Variants in RNF17 observed in about 807,000 individuals in gnomAD.
RNF17 encodes ring finger protein 17.
Under a neutral mutation model 200.5 loss-of-function variants are expected in RNF17, and 31 were observed. That is an observed-to-expected ratio of 0.15 (90% CI 0.12 to 0.21). The LOEUF (loss-of-function observed/expected upper bound fraction) is 0.21. Ranked by LOEUF, RNF17 falls within the 10% of genes least tolerant of loss-of-function variation. The probability of loss-of-function intolerance (pLI) is 1.00; values close to 1 mark genes in which losing one functional copy is unlikely to be tolerated. For missense variants in RNF17, 1,628 were observed against 1,905.1 expected (o/e 0.85, Z 2.71); for synonymous variants, 606 against 637.8 (o/e 0.95, Z 0.75).
chr13:24,754,787 T>G, the RNF17 span, among the ~76,000 whole-genome samples: 9 of 151,744 alleles, frequency 5.9e-5, no homozygotes, highest in Non-Finnish European at 1.0e-4. Flanking sequence ...CCTCAGCTAC[T>G]TGGGAGGCTG....
chr13:24,769,708 T>C (rs1880376685), intron 2 of RNF17, among the ~76,000 whole-genome samples: 1 of 152,232 alleles, frequency 6.6e-6, no homozygotes, highest in Non-Finnish European at 1.5e-5. Flanking sequence ...AAGTAAGATT[T>C]AGATTCCTGT....
intron 26 of RNF17, among the ~76,000 whole-genome samples, chr13:24,860,712 T>C (rs1893001926): frequency 6.6e-6 from 1 of 152,168 alleles, no homozygotes; most frequent in Admixed American, 6.5e-5. Flanking sequence ...CTTGAGGAAT[T>C]TGTAAATCCA....
chr13:24,757,590 C>A, the RNF17 span, among the ~76,000 whole-genome samples: 1 of 152,246 alleles, frequency 6.6e-6, no homozygotes, highest in African/African-American at 2.4e-5. Context: ...TCCCAAAGTG[C>A]TGAGATTACA....
chr13:24,758,343 T>C, the RNF17 span, among the ~76,000 whole-genome samples: 3 of 152,242 alleles, frequency 2.0e-5, no homozygotes, highest in Non-Finnish European at 4.4e-5. Context: ...GTTCCATGCG[T>C]TATCATGCTA....
At chr13:24,829,772 C>T (rs758346560) in intron 16 of RNF17, among the ~76,000 whole-genome samples, 1 of 152,146 alleles carries the variant, frequency 6.6e-6, no homozygotes, top group Non-Finnish European at 1.5e-5. Context: ...AAAAACTTCT[C>T]TGTGTTTGAA....
chr13:24,803,089 G>A (rs2137746527), intron 14 of RNF17, among the ~76,000 whole-genome samples: 1 of 151,776 alleles, frequency 6.6e-6, no homozygotes, highest in African/African-American at 2.4e-5. Context: ...GAGAAATTAA[G>A]GTAGCTCAAA....
intron 16 of RNF17, chr13:24,826,016 A>G (rs1888583194): frequency 1.0e-6 from 1 of 984,720 alleles, no homozygotes; most frequent in Non-Finnish European, 1.2e-6. Flanking sequence ...AGAACAAAGC[A>G]ACAGAAATTA....
intron 16 of RNF17, among the ~76,000 whole-genome samples, chr13:24,828,028 A>C (rs1172834252): frequency 6.6e-6 from 1 of 152,178 alleles, no homozygotes; most frequent in Non-Finnish European, 1.5e-5. Context: ...TGAGACAAAA[A>C]CATTCCAGTG....
At chr13:24,886,317 T>C in the RNF17 span, 8 of 1,289,186 alleles carry the variant, frequency 6.2e-6, no homozygotes, top group Non-Finnish European at 8.1e-6. Context: ...GAGAATGGCC[T>C]GAAGGAGGAG....
In RNF17 at chr13:24,821,893, G is replaced by A. The variant is rs567894560; in HGVS notation, c.2092-3726G>A. ...AATGAAGCCGTTTCTTTGTCATCTC[G>A]CACGAAGAAAGTTAAGGACACGGAC... On this transcript the variant is annotated intron_variant, in intron 15 of 35. Transcript: ENST00000255324. Among the ~76,000 whole-genome samples, 75 of 152,018 alleles carry A rather than the reference G, an allele frequency of 4.9e-4. 1 individual carries two copies. The highest frequency in any genetic ancestry group is 1.2e-3 in the Admixed American group (18 of 15,256).
At chr13:24,833,261 A>G (rs1329036467) in intron 18 of RNF17, among the ~76,000 whole-genome samples, 1 of 152,216 alleles carries the variant, frequency 6.6e-6, no homozygotes, top group Non-Finnish European at 1.5e-5. Context: ...GAGCCTAGAA[A>G]TGAATTGCTC....
the RNF17 span, among the ~76,000 whole-genome samples, chr13:24,758,654 T>C: frequency 6.6e-6 from 1 of 152,184 alleles, no homozygotes; most frequent in African/African-American, 2.4e-5. Context: ...ATGGTATTTG[T>C]ATATTGTATC....
At chr13:24,847,194 CAAT>C (rs1191508131) in intron 22 of RNF17, among the ~76,000 whole-genome samples, 2 of 151,814 alleles carry the variant, frequency 1.3e-5, no homozygotes, top group African/African-American at 2.4e-5. Context: ...TTAGTTCTCA[CAAT>C]AATACCGACA....
intron 12 of RNF17, 82 bp from the exon 13 acceptor site, chr13:24,800,284 A>G: frequency 1.1e-6 from 1 of 922,546 alleles, no homozygotes; most frequent in Non-Finnish European, 1.6e-6. Context: ...AATTATACTT[A>G]GAAATGCATA....
At chr13:24,756,010 T>A in the RNF17 span, among the ~76,000 whole-genome samples, 1 of 152,202 alleles carries the variant, frequency 6.6e-6, no homozygotes, top group Admixed American at 6.5e-5. Context: ...ACAATTTACA[T>A]TATTTTAATG....
At chr13:24,814,899 A>G (rs1173812489) in intron 15 of RNF17, among the ~76,000 whole-genome samples, 1 of 152,220 alleles carries the variant, frequency 6.6e-6, no homozygotes, top group Non-Finnish European at 1.5e-5. Context: ...ATAGTATGAT[A>G]TTGAGTATGA....
At position 24,831,972 on chromosome 13, in the gene RNF17, G is replaced by T. The variant is rs765715439; in HGVS notation, c.2476G>T (p.Val826Phe). The change falls in exon 18 of 36, where the codon GTT becomes TTT. Residue 826 changes from valine to phenylalanine, a missense_variant. Around this residue, in one of 5 missense-constraint regions of RNF17, gnomAD observed 227 missense variants for 319.8 expected, o/e 0.71. Transcript: ENST00000255324. ...KAQDKFMTCS[V>F]IKILEDNVLL... ...TCAAGATAAATTTATGACATGTTCA[G>T]TTATCAGTAAGTTCCATTTTTACTT... 3 of 1,561,986 alleles carry T rather than the reference G, an allele frequency of 1.9e-6. No homozygotes were observed. The highest frequency in any genetic ancestry group is 2.6e-6 in the Non-Finnish European group (3 of 1,146,876).
rs1882443040 is a variant in RNF17 at position 24,781,995 on chromosome 13, A to G, written c.611+51A>G. The G allele has an allele frequency of 8.8e-6, 10 of 1,133,286 alleles. No individual in the cohort carries two copies. In the East Asian group the frequency reaches 2.4e-4, roughly 27 times the overall value. 70.2% of individuals were successfully genotyped at this position (1,133,286 alleles called of 1,614,324 possible). A position where few individuals can be genotyped will look rare whatever the true frequency, so the allele number is the denominator to read the frequency against. Reference sequence around the variant, plus strand: ...AATGAAACTGAAGTTTCTAACACTAACTTGTCATTGTATTCCTTTGTTTAG... The same window carrying G: ...AATGAAACTGAAGTTTCTAACACTAGCTTGTCATTGTATTCCTTTGTTTAG... On this transcript the variant is annotated intron_variant, in intron 6 of 35. Coordinates refer to ENST00000255324, the MANE Select transcript of RNF17 (RefSeq NM_031277.3).
intron 3 of RNF17, among the ~76,000 whole-genome samples, chr13:24,777,759 A>G (rs1016183564): frequency 2.6e-5 from 4 of 152,220 alleles, no homozygotes; most frequent in Non-Finnish European, 5.9e-5. Context: ...TTAAAACACA[A>G]TATATAAGCC....
Sources: gnomAD v4.1 joint callset for allele counts (sites outside exome capture counted in the v4.1 genomes callset) on GRCh38, gnomAD v4.1.1 for gene constraint, gnomAD v4.1.1 regional missense constraint, MANE v1.5 for transcripts, NCBI Gene and HGNC (gene_info 2026-07-23, HGNC 2026-07-21) for gene names.